The following MICA variants were observed in gnomAD, a reference collection of about 807,000 sequenced individuals.
The protein encoded by MICA is MHC class I polypeptide-related sequence A.
Under a neutral mutation model 34.3 loss-of-function variants are expected in MICA, and 18 were observed. The ratio of observed to expected loss-of-function variants is 0.52; its 90% CI spans 0.36 to 0.78. The LOEUF is 0.78. MICA is among the 30% of genes least tolerant of loss of function. MICA has a pLI of 0.00. For synonymous variants in MICA, 135 were observed against 156.9 expected, an observed-to-expected ratio of 0.86 and a Z score of 1.04; for missense variants, 333 against 409.4, an observed-to-expected ratio of 0.81 and a Z score of 1.61.
chr6:31,412,562 CCA>C, intron 5 of MICA, 102 bp downstream of exon 5: 1 of 778,234 alleles, frequency 1.3e-6, no homozygotes, highest in Non-Finnish European at 2.1e-6. Flanking sequence ...GACAAGGCTT[CCA>C]TAACAGGGGA....
At chr6:31,410,916 G>C in intron 2 of MICA, 119 bp downstream of exon 2, 1 of 1,471,036 alleles carries the variant, frequency 6.8e-7, no homozygotes, top group Non-Finnish European at 9.0e-7. Flanking sequence ...GAGGAATGGG[G>C]GTCAGTGGAA....
chr6:31,401,273 T>C (rs1770414349), upstream of MICA, among the ~76,000 whole-genome samples: 1 of 151,800 alleles, frequency 6.6e-6, no homozygotes, highest in Non-Finnish European at 1.5e-5. Flanking sequence ...CTGTGCTCAA[T>C]AAATTATGAG....
Position 31,410,460 on chromosome 6 carries a change from T to A in MICA, c.71-83T>A, listed in dbSNP as rs1414437598. ...GTGTGCATTTCCTGCCCCAGGAAGGTTGGGACAGCAGACCTGTGTGTTAAA... is the reference window on the plus strand; with the variant it reads ...GTGTGCATTTCCTGCCCCAGGAAGGATGGGACAGCAGACCTGTGTGTTAAA... On this transcript the variant is annotated intron_variant, in intron 1 of 5. Transcript: ENST00000449934. The A allele has an allele frequency of 8.6e-6, 13 of 1,517,496 alleles. No individual in the cohort carries two copies. The East Asian group carries it at 2.3e-4, about 27-fold the overall frequency. 94.0% of individuals were successfully genotyped at this position (1,517,496 alleles called of 1,614,324 possible).
chr6:31,409,659 T>C (rs1026039839), intron 1 of MICA, among the ~76,000 whole-genome samples: 3 of 152,032 alleles, frequency 2.0e-5, no homozygotes, highest in Non-Finnish European at 4.4e-5. Flanking sequence ...TGTGCTTTGG[T>C]GTCATATCCA....
At chr6:31,402,579 T>A (rs1449118429), upstream of MICA, among the ~76,000 whole-genome samples, 1 of 150,948 alleles carries the variant, frequency 6.6e-6, no homozygotes, top group Non-Finnish European at 1.5e-5. Context: ...TGCAGTAATC[T>A]AGGCTGAAGG....
rs72558175 is a variant in MICA, at chr6:31,412,091, G to T, written c.758G>T (p.Trp253Leu). ...GVSLSHDTQQ[W>L]GDVLPDGNGT... ...TCTTTGAGCCACGACACCCAGCAGT[G>T]GGGGGATGTCCTGCCTGATGGGAAT... Residue 253 changes from tryptophan to leucine, a missense_variant, in exon 4 of 6, where the codon TGG becomes TTG. Physicochemically the swap from Trp to Leu is moderately conservative, Grantham distance 61. Coordinates refer to ENST00000449934, the MANE Select transcript of MICA (RefSeq NM_001177519.3). The T allele has an allele frequency of 1.4e-5, 23 of 1,613,094 alleles. No individual in the cohort carries two copies. The highest frequency in any genetic ancestry group is 1.9e-5 in the Non-Finnish European group (22 of 1,179,916).
In MICA at chr6:31,411,435, GA is replaced by G. The variant is rs1273196488; in HGVS notation, c.613+79del. On this transcript the variant is annotated intron_variant, in intron 3 of 5. Transcript: ENST00000449934. The surrounding 1 kb of genome is among the most constrained non-coding windows in gnomAD (Gnocchi z 4.3). ...GCCTCACCTCCCAGATGTGTCCAGG[GA>G]AACCCTCCCTGTGCTATGGATGAAG... The G allele has an allele frequency of 7.1e-7, 1 of 1,403,900 alleles. No homozygotes were observed. The allele number at this position is 1,403,900 out of a possible 1,614,324, so 87.0% of individuals were successfully genotyped here.
Position 31,412,453 on chromosome 6 carries a change from G to C in MICA, c.*22G>C. ...GTAAGAAGAAAACATCAGCTGCAGA[G>C]GGTCCAGGTGAGAAAAGCGGGCAGT... On this transcript the variant is annotated 3_prime_UTR_variant, in exon 5 of 6. Coordinates refer to ENST00000449934, the MANE Select transcript of MICA (RefSeq NM_001177519.3). 1 of 1,563,984 alleles carries C rather than the reference G, an allele frequency of 6.4e-7. No individual in the cohort carries two copies. Among genetic ancestry groups the C allele is most frequent in the Non-Finnish European group, 8.7e-7 (1 of 1,152,776 alleles).
chr6:31,402,923 C>T (rs1280308428), upstream of MICA, among the ~76,000 whole-genome samples: 2 of 151,464 alleles, frequency 1.3e-5, no homozygotes, highest in African/African-American at 4.9e-5. Flanking sequence ...AATAGAGAGG[C>T]GGCCCTGGGA....
intron 1 of MICA, among the ~76,000 whole-genome samples, chr6:31,408,275 G>T (rs1210948557): frequency 1.3e-5 from 2 of 151,808 alleles, no homozygotes; most frequent in Non-Finnish European, 2.9e-5. Context: ...TTTTGCATCG[G>T]TGTTCATCAG....
chr6:31,401,057 CT>C (rs1355209863), upstream of MICA, among the ~76,000 whole-genome samples: 4 of 151,680 alleles, frequency 2.6e-5, no homozygotes, highest in African/African-American at 9.7e-5. Flanking sequence ...TATTAAAAGT[CT>C]TTTTTGGGGG....
upstream of MICA, among the ~76,000 whole-genome samples, chr6:31,403,302 C>T (rs942499625): frequency 6.6e-6 from 1 of 151,752 alleles, no homozygotes; most frequent in Non-Finnish European, 1.5e-5. The surrounding 1 kb of genome is among the most constrained non-coding windows in gnomAD (Gnocchi z 4.7). Flanking sequence ...GTCGCGATGC[C>T]GGGAGGGCAG....
At chr6:31,409,265 G>A (rs1770928806) in intron 1 of MICA, among the ~76,000 whole-genome samples, 1 of 150,054 alleles carries the variant, frequency 6.7e-6, no homozygotes, top group Non-Finnish European at 1.5e-5. Flanking sequence ...AATAGAAGCA[G>A]TACACAGGGG....
At chr6:31,405,858 G>T (rs1770718415) in intron 1 of MICA, among the ~76,000 whole-genome samples, 1 of 151,826 alleles carries the variant, frequency 6.6e-6, no homozygotes, top group African/African-American at 2.4e-5. Context: ...TTCACAGGAT[G>T]ACCTCCAGTT....
chr6:31,408,447 T>C (rs1326401250), intron 1 of MICA, among the ~76,000 whole-genome samples: 8 of 152,028 alleles, frequency 5.3e-5, no homozygotes, highest in South Asian at 2.1e-4. Context: ...AAAAGTTTAA[T>C]TGTGGTAAAT....
At position 31,412,307 on chromosome 6, in the gene MICA, C is replaced by T; in HGVS notation, c.893-18C>T. 1 of 1,588,718 alleles carries T rather than the reference C, an allele frequency of 6.3e-7. No individual in the cohort carries two copies. Among genetic ancestry groups the T allele is most frequent in the Non-Finnish European group, 8.5e-7 (1 of 1,173,304 alleles). ...CTGTGGCTCTCTGCCCAGTGTATAACAAGTCCCTTTTTTTCAGGGAAAGTG... is the reference window on the plus strand; with the variant it reads ...CTGTGGCTCTCTGCCCAGTGTATAATAAGTCCCTTTTTTTCAGGGAAAGTG... On this transcript the variant is annotated intron_variant, in intron 4 of 5. Coordinates refer to ENST00000449934, the MANE Select transcript of MICA (RefSeq NM_001177519.3).
intron 1 of MICA, among the ~76,000 whole-genome samples, chr6:31,405,894 T>G (rs770989982): frequency 6.6e-6 from 1 of 151,948 alleles, no homozygotes; most frequent in Non-Finnish European, 1.5e-5. Flanking sequence ...GATGGCTGAA[T>G]AGTTCTCCAC....
rs2113758522 is a variant in MICA, at chr6:31,411,856, C to T, written c.614-91C>T. On this transcript the variant is annotated intron_variant, in intron 3 of 5. Coordinates refer to ENST00000449934, the MANE Select transcript of MICA (RefSeq NM_001177519.3). This position sits in a 1 kb window ranked among gnomAD's most constrained non-coding sequence, Gnocchi z 4.3. Reference sequence around the variant, plus strand: ...GTCAGGGGTCCCGGAGGGCTTCAGCCAGAGTGAGAACAGTGAAGAGAAACA... The same window carrying T: ...GTCAGGGGTCCCGGAGGGCTTCAGCTAGAGTGAGAACAGTGAAGAGAAACA... The T allele has an allele frequency of 6.6e-7, 1 of 1,510,396 alleles. No homozygotes were observed. The highest frequency in any genetic ancestry group is 2.0e-4 in the Middle Eastern group (1 of 4,918). 93.6% of individuals were successfully genotyped at this position (1,510,396 alleles called of 1,614,324 possible).
chr6:31,412,067 C>A lies in MICA; in HGVS notation c.734C>A (p.Ser245Tyr). The A allele has an allele frequency of 6.2e-7, 1 of 1,613,164 alleles. No individual in the cohort carries two copies. The highest frequency in any genetic ancestry group is 8.5e-7 in the Non-Finnish European group (1 of 1,179,912). ...IILTWRQDGVSLSHDTQQWGD... is the reference protein window; with the variant it reads ...IILTWRQDGVYLSHDTQQWGD... ...CTGACCTGGCGTCAGGATGGGGTAT[C>A]TTTGAGCCACGACACCCAGCAGTGG... Residue 245 changes from serine (S) to tyrosine (Y), a missense_variant, in exon 4 of 6, where the codon TCT becomes TAT. Transcript: ENST00000449934.
Sources: allele counts gnomAD v4.1 joint callset (sites outside exome capture counted in the v4.1 genomes callset), GRCh38; gene constraint gnomAD v4.1.1; non-coding constraint Gnocchi (gnomAD v3.1); transcripts MANE v1.5; gene names NCBI Gene and HGNC (gene_info 2026-07-23, HGNC 2026-07-21).